COL4A6: variants seen among roughly 807,000 people sequenced by gnomAD.
COL4A6 encodes the protein collagen alpha-6(IV) chain.
COL4A6 carries 59 observed loss-of-function variants against 126.7 expected under a neutral mutation model. The observed-to-expected ratio is 0.47, with a 90% CI of 0.38 to 0.58. The LOEUF is 0.58. Ranked by LOEUF, COL4A6 falls within the 20% of genes least tolerant of loss-of-function variation. The pLI, the probability that COL4A6 is intolerant of heterozygous loss-of-function variation, is 0.00. For missense variants in COL4A6, 1,285 were observed against 1,337.3 expected (o/e 0.96, Z 0.61); for synonymous variants, 547 against 496.6 (o/e 1.10, Z -1.35).
chrX:108,276,290 G>A (rs769353373), intron 3 of COL4A6, among the ~76,000 whole-genome samples: 1 of 112,552 alleles, frequency 8.9e-6, no homozygotes, highest in South Asian at 3.7e-4. Flanking sequence ...AAGCTCTCTG[G>A]CAAGTTAAGG....
intron 3 of COL4A6, among the ~76,000 whole-genome samples, chrX:108,250,304 C>T (rs774152706): frequency 9.1e-6 from 1 of 109,695 alleles, no homozygotes; most frequent in Non-Finnish European, 1.9e-5. Context: ...GAGAAGGGGC[C>T]GAGTGAGAAA....
At chrX:108,226,673 C>G (rs753865766) in intron 3 of COL4A6, among the ~76,000 whole-genome samples, 66 of 111,145 alleles carry the variant, frequency 5.9e-4, no homozygotes, top group Middle Eastern at 4.6e-3. Flanking sequence ...CTCCTCAACC[C>G]CATTCTCCAA....
chrX:108,286,885 T>A, intron 3 of COL4A6, among the ~76,000 whole-genome samples: 1 of 111,944 alleles, frequency 8.9e-6, no homozygotes, highest in South Asian at 3.8e-4. Context: ...TTTCTAAGCA[T>A]CTTTAAATGG....
chrX:108,401,942 T>C (rs990198115), intron 2 of COL4A6, among the ~76,000 whole-genome samples: 2 of 111,743 alleles, frequency 1.8e-5, no homozygotes, highest in East Asian at 2.8e-4. Context: ...AAACCACTGC[T>C]ACATTCCTGA....
chrX:108,384,765 G>C (rs2040645676), intron 2 of COL4A6, among the ~76,000 whole-genome samples: 4 of 112,315 alleles, frequency 3.6e-5, no homozygotes, highest in Admixed American at 9.4e-5. Context: ...CTCATTTTAA[G>C]ATGAGGAAAT....
intron 2 of COL4A6, among the ~76,000 whole-genome samples, chrX:108,313,946 G>C (rs776100249): frequency 9.0e-6 from 1 of 111,724 alleles, no homozygotes; most frequent in Admixed American, 9.5e-5. Context: ...GGTGATGATC[G>C]TGGGTGGGGG....
In COL4A6 at chrX:108,219,757, A is replaced by G; in HGVS notation, c.280-15T>C. Reference sequence around the variant, plus strand: ...CCCATGGGACCCTAAAAAAAGGAGTAGGGAGAGGAATGTAAGACACAATCC... The same window carrying G: ...CCCATGGGACCCTAAAAAAAGGAGTGGGGAGAGGAATGTAAGACACAATCC... On this transcript the variant is annotated splice_polypyrimidine_tract_variant and intron_variant, in intron 4 of 44. Transcript: ENST00000334504. 1 of 1,191,404 alleles carries G rather than the reference A, an allele frequency of 8.4e-7. No homozygotes were observed. Among genetic ancestry groups the G allele is most frequent in the Non-Finnish European group, 1.1e-6 (1 of 877,421 alleles).
intron 3 of COL4A6, among the ~76,000 whole-genome samples, chrX:108,271,741 C>T (rs1446488236): frequency 9.0e-6 from 1 of 111,700 alleles, no homozygotes; most frequent in Non-Finnish European, 1.9e-5. Flanking sequence ...ACTCTATTGG[C>T]GGTTGTGATT....
chrX:108,309,555 C>G (rs1205613351), intron 3 of COL4A6, among the ~76,000 whole-genome samples: 1 of 111,023 alleles, frequency 9.0e-6, no homozygotes, highest in Non-Finnish European at 1.9e-5. Context: ...TTTTTATTCT[C>G]TTCCTTCAAA....
chrX:108,304,028 A>G (rs1186064732), intron 3 of COL4A6, among the ~76,000 whole-genome samples: 1 of 111,580 alleles, frequency 9.0e-6, no homozygotes, highest in Non-Finnish European at 1.9e-5. Context: ...CACATCCCAA[A>G]TCTCTCATCC....
chrX:108,195,207 C>T, intron 14 of COL4A6, 81 bp from the exon 15 acceptor site: 1 of 748,792 alleles, frequency 1.3e-6, no homozygotes, highest in Non-Finnish European at 2.0e-6. Flanking sequence ...CAAAGTTATC[C>T]AACTGAGTTC....
At chrX:108,336,451 A>G (rs773495114) in intron 2 of COL4A6, among the ~76,000 whole-genome samples, 193 of 111,455 alleles carry the variant, frequency 1.7e-3, no homozygotes, top group African/African-American at 5.9e-3. Context: ...CATAGAGACA[A>G]AAGATTAGTG....
At chrX:108,200,586 G>C (rs2035361316) in intron 13 of COL4A6, among the ~76,000 whole-genome samples, 1 of 111,852 alleles carries the variant, frequency 8.9e-6, no homozygotes, top group African/African-American at 3.2e-5. Flanking sequence ...AATACCAGTG[G>C]CTGGAAATGG....
At chrX:108,430,542 G>C (rs1349210208) in intron 2 of COL4A6, among the ~76,000 whole-genome samples, 1 of 112,081 alleles carries the variant, frequency 8.9e-6, no homozygotes, top group East Asian at 2.8e-4. Flanking sequence ...TGGCAATGTA[G>C]AGATAAGGAT....
Position 108,164,198 on chromosome X carries a change from G to A in COL4A6, c.4069+402C>T, listed in dbSNP as rs755617120. Among the ~76,000 whole-genome samples the A allele has an allele frequency of 2.7e-5, 3 of 111,961 alleles. No homozygotes were observed. The East Asian group carries it at 8.4e-4, about 31-fold the overall frequency. On this transcript the variant is annotated intron_variant, in intron 40 of 44. Transcript: ENST00000334504. ...GGTACTGCGAGGTGAACAGATGCAA[G>A]GCACATTTAGGAGGTACAAGCCTCA...
intron 3 of COL4A6, among the ~76,000 whole-genome samples, chrX:108,278,233 G>A (rs2147790104): frequency 9.0e-6 from 1 of 111,537 alleles, no homozygotes; most frequent in East Asian, 2.8e-4. Flanking sequence ...CAAAGAAGTT[G>A]AAAACTTTGA....
At chrX:108,203,029 C>A (rs755202668) in intron 12 of COL4A6, 48 bp from the exon 13 acceptor site, 8 of 1,058,035 alleles carry the variant, frequency 7.6e-6, no homozygotes, top group Non-Finnish European at 1.1e-5. Context: ...AAGCAGTGAA[C>A]GCACAGTAGG....
At chrX:108,349,940 G>C (rs907466899) in intron 2 of COL4A6, among the ~76,000 whole-genome samples, 4 of 111,483 alleles carry the variant, frequency 3.6e-5, no homozygotes, top group African/African-American at 1.3e-4. Context: ...TGTTTGTTTT[G>C]GTTTTGTCCT....
intron 3 of COL4A6, among the ~76,000 whole-genome samples, chrX:108,252,365 T>G (rs2036871750): frequency 8.9e-6 from 1 of 112,171 alleles, no homozygotes; most frequent in Non-Finnish European, 1.9e-5. Context: ...TACCACATTT[T>G]AAAAATTCAT....
Sources: allele counts gnomAD v4.1 joint callset (sites outside exome capture counted in the v4.1 genomes callset), GRCh38; gene constraint gnomAD v4.1.1; transcripts MANE v1.5; gene names NCBI Gene and HGNC (gene_info 2026-07-23, HGNC 2026-07-21).